Variants in SLC4A9 observed in about 807,000 individuals in gnomAD.
SLC4A9 encodes solute carrier family 4 member 9.
In SLC4A9, 102 loss-of-function variants were observed where a neutral mutation model predicts 103.2. That is an observed-to-expected ratio of 0.99 (90% CI 0.84 to 1.17). SLC4A9 has a LOEUF of 1.17. Ranked by LOEUF, SLC4A9 falls within the 50% of genes most tolerant of loss-of-function variation. The pLI, the probability that SLC4A9 is intolerant of heterozygous loss-of-function variation, is 0.00. For missense variants in SLC4A9, 1,091 were observed against 1,193.7 expected (o/e 0.91, Z 1.27); for synonymous variants, 453 against 483.6 (o/e 0.94, Z 0.83).
rs148786607 is a variant in SLC4A9, at chr5:140,361,250, C to T, written c.392-4C>T. ...AAGGAGATGACCCCCAATCCATTCT[C>T]CAGAGCAGGTGACCAGGGTGGAGTC... On this transcript the variant is annotated splice_polypyrimidine_tract_variant and splice_region_variant and intron_variant, in intron 2 of 21. Coordinates refer to ENST00000506757, the MANE Select transcript of SLC4A9 (RefSeq NM_031467.3). 3.9e-4 allele frequency: 613 copies of T among 1,559,368 alleles called. 5 individuals carry two copies. The Middle Eastern group carries it at 9.7e-3, about 25-fold the overall frequency.
intron 14 of SLC4A9, 129 bp from the exon 15 acceptor site, chr5:140,367,291 C>G: frequency 1.8e-6 from 2 of 1,133,016 alleles, no homozygotes; most frequent in South Asian, 1.5e-5. Context: ...CAGCTATGCA[C>G]ACACAGCCCA....
At chr5:140,365,326 T>C (rs1229682226) in intron 11 of SLC4A9, among the ~76,000 whole-genome samples, 194 bp from the exon 12 acceptor site, 41 of 152,152 alleles carry the variant, frequency 2.7e-4, no homozygotes, top group Admixed American at 2.7e-3. Context: ...GGGATGCAGA[T>C]GGGTAGAGAA....
In SLC4A9 at chr5:140,360,274, C is replaced by A. The variant is rs757370441; in HGVS notation, c.38C>A (p.Ala13Asp). ...CTGCCAGGCCAGGAAGGGTTTGAAG[C>A]CTCCAGTGCTCCTAGAAATATTCCT... is the stretch of plus-strand genomic sequence containing the variant. ...MKLPGQEGFEASSAPRNIPSG... is the reference protein window; with the variant it reads ...MKLPGQEGFEDSSAPRNIPSG... The change falls in exon 1 of 22, where the codon GCC (alanine) becomes GAC (aspartate). Residue 13 changes from alanine (A) to aspartate (D), a missense_variant. By Grantham distance (126) the Ala-to-Asp change is moderately radical. Transcript: ENST00000506757. 6.2e-7 allele frequency: 1 copy of A among 1,612,244 alleles called. No individual in the cohort carries two copies.
chr5:140,364,655 G>A (rs1194465062), intron 11 of SLC4A9, 30 bp downstream of exon 11: 1 of 1,587,090 alleles, frequency 6.3e-7, no homozygotes, highest in Admixed American at 1.8e-5. Context: ...ACCTTGGTCA[G>A]GTGAAGAAGG....
In SLC4A9 at chr5:140,367,871, G is replaced by A; in HGVS notation, c.2327G>A (p.Gly776Glu). ...LRRESRACAP[G>E]ERPNFLGIRE... is the part of the protein sequence containing the mutation. ...AGAGAGAGCAGAGCCTGTGCCCCCG[G>A]GGAGCGCCCCAACTTCCTGGGTATC... is the stretch of plus-strand genomic sequence containing the variant. Residue 776 changes from glycine (G) to glutamate (E), a missense_variant, in exon 16 of 22, where the codon GGG becomes GAG. Physicochemically the swap from Gly to Glu is moderately conservative, Grantham distance 98 (BLOSUM62 -2). Coordinates refer to ENST00000506757, the MANE Select transcript of SLC4A9 (RefSeq NM_031467.3). 5 of 1,613,916 alleles carry A rather than the reference G, an allele frequency of 3.1e-6. No individual in the cohort carries two copies. Among genetic ancestry groups the A allele is most frequent in the South Asian group, 1.1e-5 (1 of 91,062 alleles).
At chr5:140,374,204 A>C (rs1042077819) in intron 21 of SLC4A9, among the ~76,000 whole-genome samples, 1 of 151,056 alleles carries the variant, frequency 6.6e-6, no homozygotes, top group Non-Finnish European at 1.5e-5. Flanking sequence ...AAAAATCAAA[A>C]ACAAAAATCT....
intron 20 of SLC4A9, 119 bp from the exon 21 acceptor site, chr5:140,372,626 G>C: frequency 6.9e-7 from 1 of 1,443,202 alleles, no homozygotes; most frequent in Non-Finnish European, 9.1e-7. Context: ...CAGCTCAAGT[G>C]GGCTGTCTTT....
intron 14 of SLC4A9, 151 bp from the exon 15 acceptor site, chr5:140,367,269 G>A (rs1768016309): frequency 7.7e-6 from 7 of 907,848 alleles, no homozygotes; most frequent in African/African-American, 1.7e-5. Context: ...AAGGCACTGG[G>A]ATGCTTTGAA....
At chr5:140,361,400 C>T in intron 3 of SLC4A9, 33 bp downstream of exon 3, 2 of 1,516,870 alleles carry the variant, frequency 1.3e-6, no homozygotes, top group Non-Finnish European at 1.8e-6. Context: ...AGGACCAAGA[C>T]CCTGGTGTGG....
At chr5:140,364,730 A>G (rs2126762190) in intron 11 of SLC4A9, 105 bp downstream of exon 11, 5 of 1,355,322 alleles carry the variant, frequency 3.7e-6, no homozygotes, top group Admixed American at 2.3e-5. Context: ...AAAATGCTGC[A>G]TACTTACCCA....
chr5:140,361,455 C>A, intron 3 of SLC4A9, 88 bp downstream of exon 3: 1 of 1,119,876 alleles, frequency 8.9e-7, no homozygotes, highest in Admixed American at 2.5e-5. Flanking sequence ...TAGAAGTAGC[C>A]CAGGCTTAGT....
chr5:140,364,173 C>A lies in SLC4A9; in HGVS notation c.1374C>A (p.Leu458=). 6.4e-7 allele frequency: 1 copy of A among 1,570,548 alleles called. No homozygotes were observed. The change falls in exon 10 of 22, where the codon CTC becomes CTA. Residue 458 remains leucine, a synonymous_variant. Coordinates refer to ENST00000506757, the MANE Select transcript of SLC4A9 (RefSeq NM_031467.3). ...TGPVLVFERL[L]FSFSRDYSLD... ...CAGTGCTGGTCTTTGAGCGCCTGCTCTTCTCTTTCAGCAGGTAGGAGAGCT... is the reference window on the plus strand; with the variant it reads ...CAGTGCTGGTCTTTGAGCGCCTGCTATTCTCTTTCAGCAGGTAGGAGAGCT...
intron 21 of SLC4A9, 97 bp downstream of exon 21, chr5:140,372,940 T>A: frequency 1.5e-6 from 1 of 674,910 alleles, no homozygotes; most frequent in Non-Finnish European, 2.4e-6. Context: ...TGTTTTCTCC[T>A]TACTCCAGTC....
At chr5:140,364,276 CTGTT>C in intron 10 of SLC4A9, 83 bp from the exon 11 acceptor site, 1 of 1,590,378 alleles carries the variant, frequency 6.3e-7, no homozygotes, top group Non-Finnish European at 8.6e-7. Flanking sequence ...TGGGAGCTAT[CTGTT>C]TGGGTTGAGG....
Position 140,361,282 on chromosome 5 carries a change from C to G in SLC4A9, c.420C>G (p.Ser140Arg). 6.4e-7 allele frequency: 1 copy of G among 1,570,102 alleles called. No homozygotes were observed. Among genetic ancestry groups the G allele is most frequent in the Non-Finnish European group, 8.6e-7 (1 of 1,157,464 alleles). ...AGGTGACCAGGGTGGAGTCGCTGAG[C>G]CCAGAGCTGAGAGGGCAGTTGCAGG... ...VEQVTRVESL[S>R]PELRGQLQAL... The change falls in exon 3 of 22, where the codon AGC (serine) becomes AGG (arginine). Residue 140 changes from serine to arginine, a missense_variant. Physicochemically the swap from Ser to Arg is moderately radical, Grantham distance 110. Transcript: ENST00000506757.
chr5:140,368,013 G>T, intron 16 of SLC4A9, 115 bp downstream of exon 16: 1 of 1,085,186 alleles, frequency 9.2e-7, no homozygotes, highest in Non-Finnish European at 1.3e-6. Flanking sequence ...CACAAGCATT[G>T]CAGTGGCAGA....
Position 140,370,329 on chromosome 5 carries a change from T to TG in SLC4A9, c.2428-760dup, listed in dbSNP as rs560968630. On this transcript the variant is annotated intron_variant, in intron 17 of 21. Coordinates refer to ENST00000506757, the MANE Select transcript of SLC4A9 (RefSeq NM_031467.3). ...AAATATAAAAGTTAGCTGGGCGTGG[T>TG]GGGGGGTGCCTATAATCCCAGCTAC... 1.7e-4 allele frequency among the ~76,000 whole-genome samples: 25 copies of TG among 151,000 alleles called. No individual in the cohort carries two copies. In the East Asian group the frequency reaches 3.1e-3, roughly 19 times the overall value.
chr5:140,370,525 T>C (rs995864938), intron 17 of SLC4A9, among the ~76,000 whole-genome samples: 3 of 150,196 alleles, frequency 2.0e-5, no homozygotes, highest in Non-Finnish European at 3.0e-5. Context: ...TAACTTTAGA[T>C]AGTGATAACT....
chr5:140,367,640 C>T, intron 15 of SLC4A9, 59 bp downstream of exon 15: 1 of 1,600,944 alleles, frequency 6.2e-7, no homozygotes, highest in Non-Finnish European at 8.5e-7. Context: ...GGAGTCTACG[C>T]TCCTCCTCTC....
Sources: allele counts gnomAD v4.1 joint callset (sites outside exome capture counted in the v4.1 genomes callset), GRCh38; gene constraint gnomAD v4.1.1; transcripts MANE v1.5; gene names NCBI Gene and HGNC (gene_info 2026-07-23, HGNC 2026-07-21).